The following CHP1 variants were observed in gnomAD, a reference collection of about 807,000 sequenced individuals.
CHP1 encodes the protein calcineurin like EF-hand protein 1.
CHP1 carries 11 observed loss-of-function variants against 27.4 expected under a neutral mutation model. The observed-to-expected ratio is 0.40, with a 90% confidence interval of 0.25 to 0.67. CHP1 has a LOEUF of 0.67. CHP1 is among the 30% of genes least tolerant of loss of function. The pLI is 0.38. For synonymous variants in CHP1, 89 were observed against 87.4 expected, an observed-to-expected ratio of 1.02 and a Z score of -0.10; for missense variants, 169 against 251.3, an observed-to-expected ratio of 0.67 and a Z score of 2.22.
At chr15:41,252,927 GTTTTTTTTTTT>G (rs144891496) in intron 2 of CHP1, among the ~76,000 whole-genome samples, 35 of 65,790 alleles carry the variant, frequency 5.3e-4, no homozygotes, top group African/African-American at 1.8e-3. Flanking sequence ...ATTTCACATG[GTTTTTTTTTTT>G]TTTTTTTTTT....
intron 3 of CHP1, among the ~76,000 whole-genome samples, chr15:41,262,494 T>G (rs540985972): frequency 4.9e-4 from 75 of 152,296 alleles, no homozygotes; most frequent in Non-Finnish European, 9.4e-4. Context: ...ATTCAATAGA[T>G]AACTTTATCC....
intron 2 of CHP1, among the ~76,000 whole-genome samples, chr15:41,247,748 A>G (rs2047342968): frequency 6.6e-6 from 1 of 152,040 alleles, no homozygotes; most frequent in Middle Eastern, 3.4e-3. Flanking sequence ...CGAGGCAGGC[A>G]GATCATGGGG....
rs1393415154 is a variant in CHP1 at position 41,256,708 on chromosome 15, C to T, written c.141-202C>T. ...TGGAATGTGGCGTAATCAAATCTGG[C>T]TCCTTCCACTTCTGAGTTGGTGCAA... is the stretch of plus-strand genomic sequence containing the variant. On this transcript the variant is annotated intron_variant, in intron 2 of 6. Coordinates refer to ENST00000334660, the MANE Select transcript of CHP1 (RefSeq NM_007236.5). 12 of 570,022 alleles carry T rather than the reference C, an allele frequency of 2.1e-5. No individual in the cohort carries two copies. The Admixed American group carries it at 3.4e-4, about 16-fold the overall frequency. The allele number at this position is 570,022 out of a possible 1,614,324, so 35.3% of individuals were successfully genotyped here.
chr15:41,231,386 G>A lies in CHP1; in HGVS notation c.4G>A (p.Gly2Ser). ...CGGAGGAGCTCCCGGCACGGCGATG[G>A]GTTCTCGGGCCTCCACGTTACTGCG... M[G>S]SRASTLLRDE... is the part of the protein sequence containing the mutation. The change falls in exon 1 of 7, where the codon GGT becomes AGT. Residue 2 changes from glycine to serine, a missense_variant. Transcript: ENST00000334660. The A allele has an allele frequency of 6.2e-7, 1 of 1,600,374 alleles. No homozygotes were observed. Among genetic ancestry groups the A allele is most frequent in the South Asian group, 1.1e-5 (1 of 88,474 alleles).
At chr15:41,278,933 C>G in intron 6 of CHP1, 44 bp downstream of exon 6, 1 of 1,611,144 alleles carries the variant, frequency 6.2e-7, no homozygotes, top group South Asian at 1.1e-5. Flanking sequence ...GTTTTAGTGG[C>G]TGGGCGCGGT....
chr15:41,259,982 G>A (rs1230801260), intron 3 of CHP1, among the ~76,000 whole-genome samples: 4 of 152,152 alleles, frequency 2.6e-5, no homozygotes, highest in Non-Finnish European at 5.9e-5. Flanking sequence ...CGCCCGCCCC[G>A]GCCTCCCAGA....
chr15:41,257,049 C>A, intron 3 of CHP1, 59 bp downstream of exon 3: 2 of 1,297,744 alleles, frequency 1.5e-6, no homozygotes, highest in Non-Finnish European at 2.2e-6. Context: ...AAATTATTTG[C>A]TAATCTGGAA....
chr15:41,261,774 C>T (rs1595478956), intron 3 of CHP1, among the ~76,000 whole-genome samples: 5 of 152,050 alleles, frequency 3.3e-5, no homozygotes, highest in African/African-American at 1.2e-4. Flanking sequence ...GGGCAGATCA[C>T]CTGAGGTCGG....
intron 5 of CHP1, among the ~76,000 whole-genome samples, chr15:41,274,790 G>GTTTTTTTT (rs34053067): frequency 1.7e-5 from 2 of 120,752 alleles, no homozygotes; most frequent in Non-Finnish European, 3.3e-5. Flanking sequence ...CATTGTCTTT[G>GTTTTTTTT]TTTTTTTTTT....
At chr15:41,242,471 T>G (rs1054054274) in intron 1 of CHP1, among the ~76,000 whole-genome samples, 1 of 152,152 alleles carries the variant, frequency 6.6e-6, no homozygotes, top group African/African-American at 2.4e-5. Flanking sequence ...CATGCATTTT[T>G]TAGCTGGAAC....
Position 41,252,059 on chromosome 15 carries a change from TA to T in CHP1, c.141-4846del, listed in dbSNP as rs377158223. On this transcript the variant is annotated intron_variant, in intron 2 of 6. Coordinates refer to ENST00000334660, the MANE Select transcript of CHP1 (RefSeq NM_007236.5). ...GCCTGGCCATCTTATCCATTTAATT[TA>T]AAAATACTGATTAAGTGCTTTAGCT... Among the ~76,000 whole-genome samples, 728 of 152,154 alleles carry T rather than the reference TA, an allele frequency of 4.8e-3. 9 individuals are homozygous for T. Among genetic ancestry groups the T allele is most frequent in the African/African-American group, 0.017 (703 of 41,524 alleles).
rs541389259 is a variant in CHP1, at chr15:41,238,753, G to A, written c.68-4914G>A. 5.2e-3 allele frequency among the ~76,000 whole-genome samples: 785 copies of A among 152,158 alleles called. 7 individuals are homozygous for A. Among genetic ancestry groups the A allele is most frequent in the African/African-American group, 0.018 (757 of 41,518 alleles). ...TGTAGTCGCAGCTACTCAGGAGGCT[G>A]AGGCAGGAGAATGGCCTGAACCTGG... is the stretch of plus-strand genomic sequence containing the variant. On this transcript the variant is annotated intron_variant, in intron 1 of 6. Transcript: ENST00000334660.
intron 2 of CHP1, among the ~76,000 whole-genome samples, chr15:41,256,007 ACT>A (rs1039124496): frequency 7.9e-5 from 12 of 152,186 alleles, no homozygotes; most frequent in African/African-American, 2.9e-4. Context: ...ACTGAGCAAG[ACT>A]CTGTCTCAAA....
At chr15:41,232,054 G>A (rs990286606) in intron 1 of CHP1, among the ~76,000 whole-genome samples, 3 of 151,954 alleles carry the variant, frequency 2.0e-5, no homozygotes, top group African/African-American at 7.3e-5. Flanking sequence ...AAAAAACACG[G>A]ATACTGTGAC....
rs144033176 is a variant in CHP1, at chr15:41,241,879, C to A, written c.68-1788C>A. On this transcript the variant is annotated intron_variant, in intron 1 of 6. Transcript: ENST00000334660. Reference sequence around the variant, plus strand: ...CCTTATCTGAATGACTTTGGCCACCCCTTTAAACCTCTGAAGGTACAGCCT... The same window carrying A: ...CCTTATCTGAATGACTTTGGCCACCACTTTAAACCTCTGAAGGTACAGCCT... Among the ~76,000 whole-genome samples, 143 of 152,284 alleles carry A rather than the reference C, an allele frequency of 9.4e-4. 1 individual carries two copies. The highest frequency in any genetic ancestry group is 7.4e-3 in the Admixed American group (113 of 15,282).
intron 6 of CHP1, 60 bp downstream of exon 6, chr15:41,278,949 A>T: frequency 6.2e-7 from 1 of 1,603,458 alleles, no homozygotes; most frequent in Non-Finnish European, 8.5e-7. Flanking sequence ...GCGGTGGCTT[A>T]CGCCTGTAAT....
chr15:41,231,317 C>T lies in CHP1; in HGVS notation c.-66C>T, dbSNP rs1278860763. On this transcript the variant is annotated 5_prime_UTR_variant, in exon 1 of 7. Transcript: ENST00000334660. The stretch of plus-strand genomic sequence containing the variant: ...CTTGACCCCTAGCCCTTCCTTCCCT[C>T]CCTCCTTCCCTCCTGTCGCCGTCTC... The T allele has an allele frequency of 4.1e-6, 6 of 1,460,320 alleles. No homozygotes were observed. In the East Asian group the frequency reaches 1.2e-4, roughly 30 times the overall value. The allele number at this position is 1,460,320 out of a possible 1,614,324, so 90.5% of individuals were successfully genotyped here.
chr15:41,276,158 C>G (rs1410898123), intron 5 of CHP1, among the ~76,000 whole-genome samples: 4 of 151,288 alleles, frequency 2.6e-5, no homozygotes, highest in Admixed American at 6.6e-5. Context: ...GGAGAATCGC[C>G]TGAACCTGGG....
At chr15:41,253,515 C>T (rs933297173) in intron 2 of CHP1, among the ~76,000 whole-genome samples, 3 of 150,924 alleles carry the variant, frequency 2.0e-5, no homozygotes, top group Non-Finnish European at 4.4e-5. Flanking sequence ...AGTGCAGTGG[C>T]GCAATCTTGG....
Sources: allele counts gnomAD v4.1 joint callset (sites outside exome capture counted in the v4.1 genomes callset), GRCh38; gene constraint gnomAD v4.1.1; transcripts MANE v1.5; gene names NCBI Gene and HGNC (gene_info 2026-07-23, HGNC 2026-07-21).